Variants in UBE2D2 observed in about 807,000 individuals in gnomAD.
UBE2D2 encodes ubiquitin-conjugating enzyme E2 D2.
A neutral mutation model predicts 24.2 loss-of-function variants in UBE2D2; 2 were observed. The observed-to-expected ratio is 0.08, with a 90% CI of 0.03 to 0.26. The LOEUF (loss-of-function observed/expected upper bound fraction) is 0.26, where lower values mean the gene tolerates loss of function less well. Among genes scored for constraint, UBE2D2 ranks in the 10% least tolerant of loss-of-function variants. The pLI, the probability that UBE2D2 is intolerant of heterozygous loss-of-function variation, is 1.00. For synonymous variants in UBE2D2, 58 were observed against 56.5 expected (o/e 1.03, Z -0.12); for missense variants, 44 against 177.6 (o/e 0.25, Z 4.28).
chr5:139,565,608 A>C (rs1205964286), intron 1 of UBE2D2, among the ~76,000 whole-genome samples: 1 of 152,186 alleles, frequency 6.6e-6, no homozygotes, highest in Non-Finnish European at 1.5e-5. Context: ...GCTTATTAAA[A>C]TTGTGTCTAA....
chr5:139,623,745 G>A (rs1197859775), intron 6 of UBE2D2: 2 of 227,150 alleles, frequency 8.8e-6, no homozygotes, highest in African/African-American at 2.3e-5. Flanking sequence ...AGGCTAGAGT[G>A]CAATGGTGCA....
Position 139,627,964 on chromosome 5 carries a change from T to A in UBE2D2, c.*1163T>A, listed in dbSNP as rs1415754896. ...AAGAAATTTGCTTTATTAATGAAACTAAGCTGCATTTCATCAAAACCTTGT... is the reference window on the plus strand; with the variant it reads ...AAGAAATTTGCTTTATTAATGAAACAAAGCTGCATTTCATCAAAACCTTGT... On this transcript the variant is annotated 3_prime_UTR_variant, in exon 7 of 7. Transcript: ENST00000398733. 6.5e-6 allele frequency: 1 copy of A among 152,680 alleles called. No individual in the cohort carries two copies. The highest frequency in any genetic ancestry group is 1.5e-5 in the Non-Finnish European group (1 of 68,044). 9.5% of individuals were successfully genotyped at this position (152,680 alleles called of 1,614,324 possible).
chr5:139,528,785 A>C (rs766087462), intron 1 of UBE2D2, among the ~76,000 whole-genome samples: 8 of 152,330 alleles, frequency 5.3e-5, no homozygotes, highest in Non-Finnish European at 1.0e-4. Flanking sequence ...CCAGTTAAAC[A>C]TAACTGTGTA....
chr5:139,546,570 C>T (rs1391990459), intron 1 of UBE2D2, among the ~76,000 whole-genome samples: 6 of 151,962 alleles, frequency 3.9e-5, no homozygotes, highest in Admixed American at 3.3e-4. Context: ...GTAACCGCCA[C>T]TTCCCAGGTT....
At chr5:139,568,475 C>A (rs1186496415) in intron 1 of UBE2D2, among the ~76,000 whole-genome samples, 1 of 150,522 alleles carries the variant, frequency 6.6e-6, no homozygotes, top group Non-Finnish European at 1.5e-5. Context: ...CTGGCTAACA[C>A]GGTGAAACCC....
At chr5:139,609,757 T>C (rs1035729613) in intron 2 of UBE2D2, among the ~76,000 whole-genome samples, 9 of 151,140 alleles carry the variant, frequency 6.0e-5, no homozygotes, top group African/African-American at 2.2e-4. Context: ...TTTTCTTTCT[T>C]TCTTTCTTTT....
intron 1 of UBE2D2, among the ~76,000 whole-genome samples, chr5:139,551,534 A>G (rs947761732): frequency 6.6e-6 from 1 of 152,152 alleles, no homozygotes; most frequent in African/African-American, 2.4e-5. Context: ...CTACTGTCTT[A>G]CCCAAAACCT....
At chr5:139,619,168 G>A (rs1754468268) in intron 5 of UBE2D2, among the ~76,000 whole-genome samples, 1 of 152,178 alleles carries the variant, frequency 6.6e-6, no homozygotes, top group Admixed American at 6.5e-5. Context: ...GGCCAAGGAA[G>A]GTGGATCACT....
intron 1 of UBE2D2, among the ~76,000 whole-genome samples, chr5:139,587,142 G>T (rs1753746679): frequency 6.6e-6 from 1 of 152,098 alleles, no homozygotes; most frequent in Admixed American, 6.6e-5. Flanking sequence ...TAGAAGCTGT[G>T]GGTCACGGAA....
intron 1 of UBE2D2, among the ~76,000 whole-genome samples, chr5:139,569,234 A>G (rs1398456358): frequency 6.6e-6 from 1 of 152,090 alleles, no homozygotes; most frequent in Non-Finnish European, 1.5e-5. Flanking sequence ...CTAAAAAAGT[A>G]TTTTTTATTT....
chr5:139,620,409 C>A (rs558275762), intron 5 of UBE2D2, among the ~76,000 whole-genome samples: 2 of 152,278 alleles, frequency 1.3e-5, no homozygotes, highest in East Asian at 1.9e-4. Context: ...AAGGAACATT[C>A]AAAAATTTCT....
chr5:139,596,889 C>CA (rs1035805895), intron 1 of UBE2D2, among the ~76,000 whole-genome samples: 14 of 151,336 alleles, frequency 9.3e-5, no homozygotes, highest in African/African-American at 2.9e-4. Flanking sequence ...TCTAAAAATA[C>CA]AAAAAAAATT....
At chr5:139,561,934 C>T in intron 1 of UBE2D2, 119 bp downstream of exon 1, 2 of 1,352,532 alleles carry the variant, frequency 1.5e-6, no homozygotes, top group Non-Finnish European at 1.9e-6. Flanking sequence ...GTGCTGGCCC[C>T]TCGGGGCGGC....
Position 139,628,119 on chromosome 5 carries a change from A to C in UBE2D2, c.*1318A>C, listed in dbSNP as rs1754668702. The C allele has an allele frequency of 6.6e-6, 1 of 152,646 alleles. No individual in the cohort carries two copies. The highest frequency in any genetic ancestry group is 6.5e-5 in the Admixed American group (1 of 15,276). 9.5% of individuals were successfully genotyped at this position (152,646 alleles called of 1,614,324 possible). On this transcript the variant is annotated 3_prime_UTR_variant, in exon 7 of 7. Transcript: ENST00000398733. ...GAAACAAGAGCACAGTCTTGTTTGG[A>C]GAGTCTACATAATTACTTTGCACTA...
intron 1 of UBE2D2, among the ~76,000 whole-genome samples, chr5:139,587,295 C>G (rs1303189347): frequency 1.3e-5 from 2 of 152,146 alleles, no homozygotes; most frequent in African/African-American, 4.8e-5. Flanking sequence ...AGTGGACACC[C>G]TGCTCCATCC....
chr5:139,563,927 C>G (rs898829307), intron 1 of UBE2D2, among the ~76,000 whole-genome samples: 1 of 151,634 alleles, frequency 6.6e-6, no homozygotes, highest in African/African-American at 2.4e-5. Context: ...AGGCGAGACT[C>G]CCTTTCAAAA....
chr5:139,623,175 T>TA (rs761779205), intron 5 of UBE2D2, among the ~76,000 whole-genome samples, 193 bp from the exon 6 acceptor site: 2,202 of 145,978 alleles, frequency 0.015, 33 homozygotes, highest in African/African-American at 0.037. Flanking sequence ...CCAATTCTGC[T>TA]AAAAAAAAAA....
chr5:139,545,390 T>C (rs1752812533), intron 1 of UBE2D2, among the ~76,000 whole-genome samples: 2 of 151,172 alleles, frequency 1.3e-5, no homozygotes. Flanking sequence ...TTTTTTTTTT[T>C]ACTATTGCGT....
intron 1 of UBE2D2, among the ~76,000 whole-genome samples, chr5:139,583,571 G>A (rs1017671233): frequency 6.6e-6 from 1 of 152,068 alleles, no homozygotes; most frequent in Non-Finnish European, 1.5e-5. Context: ...AGACCAACCT[G>A]GCCAACAAGG....
Sources: allele counts gnomAD v4.1 joint callset (sites outside exome capture counted in the v4.1 genomes callset), GRCh38; gene constraint gnomAD v4.1.1; transcripts MANE v1.5; gene names NCBI Gene and HGNC (gene_info 2026-07-23, HGNC 2026-07-21).